Variants in CDH13 observed in about 807,000 individuals in gnomAD.
CDH13 encodes the protein cadherin-13.
Under a neutral mutation model 63.8 loss-of-function variants are expected in CDH13, and 24 were observed. The observed-to-expected ratio is 0.38, with a 90% CI of 0.27 to 0.53. The LOEUF (loss-of-function observed/expected upper bound fraction) is 0.53. Among genes scored for constraint, CDH13 ranks in the 20% least tolerant of loss-of-function variants. The pLI is 0.85. For missense variants in CDH13, 1,049 were observed against 903.1 expected (o/e 1.16, Z -2.07); for synonymous variants, 503 against 355.3 (o/e 1.42, Z -4.67).
intron 11 of CDH13, among the ~76,000 whole-genome samples, chr16:83,779,406 C>CAAAAAA (rs144757645): frequency 3.6e-5 from 3 of 82,566 alleles, no homozygotes; most frequent in African/African-American, 5.6e-5. Context: ...GACTCCATCT[C>CAAAAAA]AAAAAAAAAA....
At chr16:83,351,624 A>G (rs1016337053) in intron 6 of CDH13, among the ~76,000 whole-genome samples, 6 of 152,230 alleles carry the variant, frequency 3.9e-5, no homozygotes, top group Admixed American at 2.0e-4. Flanking sequence ...TCCTTAACCA[A>G]TTTCCTATCG....
intron 11 of CDH13, among the ~76,000 whole-genome samples, chr16:83,769,453 A>G (rs535032470): frequency 1.3e-5 from 2 of 152,272 alleles, no homozygotes; most frequent in East Asian, 3.9e-4. Flanking sequence ...AAGTGAATTT[A>G]TTTTTGAAGC....
chr16:83,567,874 C>T (rs540616351), intron 7 of CDH13, among the ~76,000 whole-genome samples: 1 of 152,208 alleles, frequency 6.6e-6, no homozygotes, highest in Non-Finnish European at 1.5e-5. Flanking sequence ...GGATTACAGG[C>T]ATGAGCCACC....
At chr16:82,870,454 C>A (rs1343814063) in intron 2 of CDH13, among the ~76,000 whole-genome samples, 3 of 152,034 alleles carry the variant, frequency 2.0e-5, no homozygotes, top group Non-Finnish European at 4.4e-5. Context: ...GCCCAACAGT[C>A]CCACTGCTGG....
chr16:83,326,643 G>C (rs527288795), intron 5 of CDH13, among the ~76,000 whole-genome samples: 1 of 152,092 alleles, frequency 6.6e-6, no homozygotes, highest in African/African-American at 2.4e-5. Flanking sequence ...CAATCTAGGT[G>C]GTGGGTAGGA....
At chr16:83,596,512 G>A (rs187401782) in intron 7 of CDH13, among the ~76,000 whole-genome samples, 22 of 152,262 alleles carry the variant, frequency 1.4e-4, no homozygotes, top group Admixed American at 1.4e-3. Context: ...TTTCCTCCTG[G>A]AGAAAGGGCA....
At chr16:83,455,647 C>G (rs1158981498) in intron 6 of CDH13, among the ~76,000 whole-genome samples, 1 of 152,178 alleles carries the variant, frequency 6.6e-6, no homozygotes, top group African/African-American at 2.4e-5. Context: ...CCCTAGATCT[C>G]TAAGAACCTT....
chr16:83,323,087 A>T (rs1464837140), intron 5 of CDH13, among the ~76,000 whole-genome samples: 1 of 151,984 alleles, frequency 6.6e-6, no homozygotes, highest in Non-Finnish European at 1.5e-5. Flanking sequence ...TGGTTAGCCC[A>T]CGGTCCCAGA....
In CDH13 at chr16:82,796,994, C is replaced by T. The variant is rs545969367; in HGVS notation, c.46-61368C>T. Among the ~76,000 whole-genome samples the T allele has an allele frequency of 3.3e-5, 5 of 152,324 alleles. No homozygotes were observed. In the South Asian group the frequency reaches 1.0e-3, roughly 32 times the overall value. On this transcript the variant is annotated intron_variant, in intron 1 of 13. Coordinates refer to ENST00000567109, the MANE Select transcript of CDH13 (RefSeq NM_001257.5). The stretch of plus-strand genomic sequence containing the variant: ...GGAGGCAGGATCCTATCAACTTTTT[C>T]TTCTGCCAAACCAGCCTGACACAGT...
At chr16:83,293,022 A>G (rs957856422) in intron 5 of CDH13, among the ~76,000 whole-genome samples, 1 of 152,192 alleles carries the variant, frequency 6.6e-6, no homozygotes, top group Non-Finnish European at 1.5e-5. Context: ...GTTACTAAAC[A>G]GATAGTTGAG....
chr16:83,055,558 C>G (rs537009407), intron 3 of CDH13, among the ~76,000 whole-genome samples: 3 of 148,906 alleles, frequency 2.0e-5, no homozygotes, highest in African/African-American at 7.4e-5. Context: ...CAAAGCATAC[C>G]AAAAAAAAAG....
At chr16:83,602,813 C>G (rs74035213) in intron 8 of CDH13, among the ~76,000 whole-genome samples, 6 of 152,188 alleles carry the variant, frequency 3.9e-5, no homozygotes, top group African/African-American at 1.2e-4. Flanking sequence ...AACAAGAGCA[C>G]TGAATCTTGT....
intron 2 of CDH13, among the ~76,000 whole-genome samples, chr16:82,880,131 C>G (rs899557009): frequency 1.3e-5 from 2 of 151,742 alleles, no homozygotes; most frequent in African/African-American, 2.4e-5. Context: ...ATGATACATA[C>G]TGATCATACC....
intron 5 of CDH13, among the ~76,000 whole-genome samples, chr16:83,244,074 G>T (rs8063968): frequency 0.99 from 150,547 of 152,064 alleles, 74,542 homozygotes; most frequent in Middle Eastern, 1. Flanking sequence ...AACATACATA[G>T]GTGTCGAGCT....
chr16:82,799,387 C>G (rs2036743197), intron 1 of CDH13, among the ~76,000 whole-genome samples: 2 of 152,160 alleles, frequency 1.3e-5, no homozygotes, highest in South Asian at 4.1e-4. Context: ...AAATTAGAGT[C>G]TAGAGTAATT....
At chr16:83,379,236 G>A (rs2151413824) in intron 6 of CDH13, among the ~76,000 whole-genome samples, 1 of 152,214 alleles carries the variant, frequency 6.6e-6, no homozygotes, top group East Asian at 1.9e-4. Context: ...TGGTTTAGAA[G>A]GGCACTGACT....
chr16:82,866,699 A>G (rs1444486651), intron 2 of CDH13, among the ~76,000 whole-genome samples: 1 of 152,162 alleles, frequency 6.6e-6, no homozygotes, highest in Admixed American at 6.5e-5. Context: ...ACAGTTCAGC[A>G]TGCCTGGGGA....
chr16:82,762,036 G>T (rs1266414044), intron 1 of CDH13, among the ~76,000 whole-genome samples: 1 of 152,200 alleles, frequency 6.6e-6, no homozygotes, highest in Non-Finnish European at 1.5e-5. Context: ...ATTTTTTACA[G>T]ACTGTGTCAA....
At chr16:83,389,017 C>G (rs2091733533) in intron 6 of CDH13, among the ~76,000 whole-genome samples, 1 of 152,130 alleles carries the variant, frequency 6.6e-6, no homozygotes, top group Non-Finnish European at 1.5e-5. Context: ...ACCCTAAAAC[C>G]AGTCAGAGCC....
Sources: allele counts gnomAD v4.1 joint callset (sites outside exome capture counted in the v4.1 genomes callset), GRCh38; gene constraint gnomAD v4.1.1; transcripts MANE v1.5; gene names NCBI Gene and HGNC (gene_info 2026-07-23, HGNC 2026-07-21).